CTNNA3: variants seen among roughly 807,000 people sequenced by gnomAD.
CTNNA3 encodes the protein catenin alpha-3.
In CTNNA3, 76 loss-of-function variants were observed where a neutral mutation model predicts 95.7. The observed-to-expected ratio is 0.79, with a 90% CI of 0.66 to 0.96. The LOEUF (loss-of-function observed/expected upper bound fraction) is 0.96. CTNNA3 is among the 40% of genes least tolerant of loss of function. CTNNA3 has a pLI of 0.00. For missense variants in CTNNA3, 1,191 were observed against 1,089.8 expected (o/e 1.09, Z -1.31); for synonymous variants, 431 against 374.4 (o/e 1.15, Z -1.74).
At chr10:66,768,287 T>C (rs574407474) in intron 8 of CTNNA3, among the ~76,000 whole-genome samples, 15 of 152,246 alleles carry the variant, frequency 9.9e-5, no homozygotes, top group African/African-American at 3.6e-4. Flanking sequence ...TCAGATGAAA[T>C]CTACACTAGA....
intron 7 of CTNNA3, among the ~76,000 whole-genome samples, chr10:67,062,287 T>C (rs564810532): frequency 6.6e-6 from 1 of 152,282 alleles, no homozygotes; most frequent in South Asian, 2.1e-4. Flanking sequence ...TTATAGCATA[T>C]AAGCTCCTAT....
chr10:66,944,233 T>A (rs1564785472), intron 7 of CTNNA3, among the ~76,000 whole-genome samples: 1 of 152,208 alleles, frequency 6.6e-6, no homozygotes, highest in South Asian at 2.1e-4. Flanking sequence ...AAATCATTTG[T>A]TATTATTTCA....
At chr10:66,240,755 A>T (rs984618323) in intron 13 of CTNNA3, among the ~76,000 whole-genome samples, 1 of 152,104 alleles carries the variant, frequency 6.6e-6, no homozygotes, top group Non-Finnish European at 1.5e-5. Context: ...AGAGACATCA[A>T]GAACCAAAGG....
At chr10:65,998,860 A>T (rs1223382403) in intron 15 of CTNNA3, among the ~76,000 whole-genome samples, 1 of 152,184 alleles carries the variant, frequency 6.6e-6, no homozygotes, top group Non-Finnish European at 1.5e-5. Context: ...AAGCTAAATG[A>T]TCAAAGAACT....
At chr10:67,556,732 G>A (rs1254485738) in intron 3 of CTNNA3, among the ~76,000 whole-genome samples, 1 of 151,932 alleles carries the variant, frequency 6.6e-6, no homozygotes, top group East Asian at 1.9e-4. Context: ...TTTTTTGAAG[G>A]GTTTTTTGTG....
intron 17 of CTNNA3, among the ~76,000 whole-genome samples, chr10:65,941,099 C>T (rs943445342): frequency 6.6e-6 from 1 of 152,160 alleles, no homozygotes; most frequent in Non-Finnish European, 1.5e-5. Context: ...AGTTCAAATG[C>T]ACAGTAAGCA....
intron 15 of CTNNA3, among the ~76,000 whole-genome samples, chr10:66,007,726 CTTTCT>C (rs2078919233): frequency 1.4e-5 from 2 of 144,824 alleles, no homozygotes; most frequent in Non-Finnish European, 3.0e-5. Context: ...CCCTCCCTCC[CTTTCT>C]TCCTCCCTAC....
chr10:66,687,376 T>C (rs890114975), intron 9 of CTNNA3, among the ~76,000 whole-genome samples: 4 of 152,116 alleles, frequency 2.6e-5, no homozygotes, highest in African/African-American at 4.8e-5. Flanking sequence ...CTCAGCGAAT[T>C]TCATTGGTAC....
chr10:66,804,622 T>C (rs551802165), intron 7 of CTNNA3, among the ~76,000 whole-genome samples: 69 of 152,226 alleles, frequency 4.5e-4, no homozygotes, highest in African/African-American at 1.5e-3. Flanking sequence ...GCACTATTTT[T>C]TCTAAAGGGG....
intron 1 of CTNNA3, among the ~76,000 whole-genome samples, chr10:67,703,958 C>T (rs1014397288): frequency 2.6e-5 from 4 of 152,276 alleles, no homozygotes; most frequent in African/African-American, 7.2e-5. Flanking sequence ...GTACAAAAAT[C>T]ACAAGCATTC....
chr10:66,254,720 C>T (rs1313730595), intron 13 of CTNNA3, among the ~76,000 whole-genome samples: 4 of 152,148 alleles, frequency 2.6e-5, no homozygotes, highest in Admixed American at 2.6e-4. Context: ...CTTCTTTTTT[C>T]TCTCTGCTTC....
intron 10 of CTNNA3, among the ~76,000 whole-genome samples, chr10:66,527,272 T>G (rs2660046): frequency 0.82 from 125,277 of 152,022 alleles, 51,813 homozygotes; most frequent in Middle Eastern, 0.91. Flanking sequence ...CTATGCCATT[T>G]ATCTATATGT....
At chr10:67,573,766 C>G (rs374465550) in intron 3 of CTNNA3, among the ~76,000 whole-genome samples, 24 of 151,740 alleles carry the variant, frequency 1.6e-4, no homozygotes, top group African/African-American at 5.6e-4. Flanking sequence ...CTATCCTTCC[C>G]TTCCCTCAAC....
chr10:67,701,590 C>G (rs1841039848), intron 1 of CTNNA3, among the ~76,000 whole-genome samples: 1 of 152,142 alleles, frequency 6.6e-6, no homozygotes, highest in African/African-American at 2.4e-5. Context: ...GATTTTGTCA[C>G]CAACAGGCCT....
chr10:67,684,160 G>C (rs1339254004), intron 1 of CTNNA3, among the ~76,000 whole-genome samples: 1 of 152,184 alleles, frequency 6.6e-6, no homozygotes, highest in Non-Finnish European at 1.5e-5. Context: ...CCGTTTTACA[G>C]AGTGCTGATT....
intron 13 of CTNNA3, among the ~76,000 whole-genome samples, chr10:66,172,022 G>T (rs181364565): frequency 1.3e-5 from 2 of 152,216 alleles, no homozygotes; most frequent in South Asian, 4.2e-4. Flanking sequence ...GAGCAAGTAT[G>T]CTCACTTATT....
intron 11 of CTNNA3, 140 bp downstream of exon 11, chr10:66,520,477 C>T: frequency 3.2e-6 from 2 of 630,924 alleles, no homozygotes; most frequent in Non-Finnish European, 5.0e-6. Context: ...GTATCGAATC[C>T]CTGACCTCAA....
intron 7 of CTNNA3, among the ~76,000 whole-genome samples, chr10:66,904,732 G>T (rs1845910587): frequency 1.3e-5 from 2 of 152,138 alleles, no homozygotes; most frequent in Non-Finnish European, 2.9e-5. Flanking sequence ...CTTCTCAAAA[G>T]AAGACATTTA....
chr10:67,667,854 G>A (rs921234042), intron 1 of CTNNA3, among the ~76,000 whole-genome samples: 3 of 151,818 alleles, frequency 2.0e-5, no homozygotes, highest in East Asian at 1.9e-4. Flanking sequence ...AGATACATTC[G>A]CTGTAATATA....
Sources: allele counts gnomAD v4.1 joint callset (sites outside exome capture counted in the v4.1 genomes callset), GRCh38; gene constraint gnomAD v4.1.1; transcripts MANE v1.5; gene names NCBI Gene and HGNC (gene_info 2026-07-23, HGNC 2026-07-21).